The following PGBD2 variants were observed in gnomAD, a reference collection of about 807,000 sequenced individuals.
PGBD2 encodes piggyBac transposable element-derived protein 2.
PGBD2 carries 6 observed loss-of-function variants against 8.1 expected under a neutral mutation model. That is an observed-to-expected ratio of 0.74 (90% confidence interval 0.40 to 1.46). The LOEUF (loss-of-function observed/expected upper bound fraction) is 1.46, where lower values mean the gene tolerates loss of function less well. PGBD2 is among the 40% of genes most tolerant of loss of function. The probability of loss-of-function intolerance (pLI) is 0.02; values close to 1 mark genes in which losing one functional copy is unlikely to be tolerated. For missense variants in PGBD2, 802 were observed against 739.0 expected, an observed-to-expected ratio of 1.09 and a Z score of -0.99; for synonymous variants, 318 against 272.2, an observed-to-expected ratio of 1.17 and a Z score of -1.66.
chr1:248,927,368 T>C, the PGBD2 span, among the ~76,000 whole-genome samples: 2 of 152,170 alleles, frequency 1.3e-5, no homozygotes, highest in African/African-American at 4.8e-5. Flanking sequence ...ATGCTGGATA[T>C]AGAAGCAGGG....
the PGBD2 span, among the ~76,000 whole-genome samples, chr1:248,885,534 A>G: frequency 1.1e-4 from 16 of 152,286 alleles, no homozygotes; most frequent in Middle Eastern, 3.4e-3. Flanking sequence ...TTCAAAACCC[A>G]GTCTTGGTTC....
At chr1:248,904,648 C>G (rs867540272), upstream of PGBD2, among the ~76,000 whole-genome samples, 8 of 152,222 alleles carry the variant, frequency 5.3e-5, no homozygotes, top group African/African-American at 1.7e-4. Context: ...TGCTTCGCCT[C>G]AGAGCATTTG....
At chr1:248,891,681 T>C in the PGBD2 span, among the ~76,000 whole-genome samples, 6,686 of 152,138 alleles carry the variant, frequency 0.044, 407 homozygotes, top group African/African-American at 0.14. Flanking sequence ...AATTTAAAAA[T>C]CAGCCAGGCA....
At position 248,917,839 on chromosome 1, in the gene PGBD2, G is replaced by A. The variant is rs751181473; in HGVS notation, c.1255G>A (p.Val419Ile). ...GTGCCGCTGGCACGATAGCAGCGTG[G>A]TCAACATTTGCTCCAATGCTGTGGG... ...IVCRWHDSSV[V>I]NICSNAVGIE... The change falls in exon 3 of 3, where the codon GTC becomes ATC. Residue 419 changes from valine (V) to isoleucine (I), a missense_variant. Coordinates refer to ENST00000329291, the MANE Select transcript of PGBD2 (RefSeq NM_170725.3). 1.3e-5 allele frequency: 21 copies of A among 1,614,216 alleles called. No individual in the cohort carries two copies. The South Asian group carries it at 2.2e-4, about 17-fold the overall frequency.
At chr1:248,876,060 G>A in the PGBD2 span, among the ~76,000 whole-genome samples, 4 of 150,986 alleles carry the variant, frequency 2.6e-5, no homozygotes, top group African/African-American at 9.8e-5. Context: ...CCAGGCTGGA[G>A]TGCAATGGTG....
At chr1:248,873,827 C>T in the PGBD2 span, among the ~76,000 whole-genome samples, 13 of 152,314 alleles carry the variant, frequency 8.5e-5, no homozygotes, top group East Asian at 5.8e-4. Flanking sequence ...AAGTATGAGG[C>T]TAAGTGAGAA....
rs1311546302 is a variant in PGBD2 at position 248,918,543 on chromosome 1, T to A, written c.*180T>A. The A allele has an allele frequency of 5.1e-6, 2 of 391,014 alleles. No homozygotes were observed. Among genetic ancestry groups the A allele is most frequent in the Non-Finnish European group, 9.2e-6 (2 of 217,056 alleles). The allele number at this position is 391,014 out of a possible 1,614,324, so 24.2% of individuals were successfully genotyped here. Reference sequence around the variant, plus strand: ...TATTGTGTTGTGTTATGCCTACATGTGATATAAATTAATATTTATATTCAT... The same window carrying A: ...TATTGTGTTGTGTTATGCCTACATGAGATATAAATTAATATTTATATTCAT... On this transcript the variant is annotated 3_prime_UTR_variant, in exon 3 of 3. Transcript: ENST00000329291.
chr1:248,917,829 T>C lies in PGBD2; in HGVS notation c.1245T>C (p.Asp415=), dbSNP rs1203439594. The C allele has an allele frequency of 6.2e-7, 1 of 1,614,216 alleles. No individual in the cohort carries two copies. Among genetic ancestry groups the C allele is most frequent in the Non-Finnish European group, 8.5e-7 (1 of 1,180,036 alleles). The change falls in exon 3 of 3, where the codon GAT becomes GAC. Residue 415 remains aspartate (D), a synonymous_variant. Coordinates refer to ENST00000329291, the MANE Select transcript of PGBD2 (RefSeq NM_170725.3). ...SEEIIVCRWH[D]SSVVNICSNA... is the part of the protein sequence containing the mutation. ...AGATCATCGTGTGCCGCTGGCACGA[T>C]AGCAGCGTGGTCAACATTTGCTCCA...
chr1:248,907,976 G>C (rs764246189), intron 1 of PGBD2, among the ~76,000 whole-genome samples: 10 of 152,018 alleles, frequency 6.6e-5, no homozygotes, highest in Non-Finnish European at 1.5e-4. Context: ...TTTTTATCTT[G>C]AATTAATTTC....
the PGBD2 span, among the ~76,000 whole-genome samples, chr1:248,926,392 G>A: frequency 2.6e-5 from 4 of 152,098 alleles, no homozygotes; most frequent in Non-Finnish European, 4.4e-5. Flanking sequence ...GTTTCTGTGG[G>A]CAGTGTCTCC....
the PGBD2 span, among the ~76,000 whole-genome samples, chr1:248,895,624 G>C: frequency 6.6e-6 from 1 of 151,950 alleles, no homozygotes; most frequent in South Asian, 2.1e-4. Context: ...TGGGATTTCT[G>C]AGATTTTGGT....
At chr1:248,907,838 A>G (rs559878357) in intron 1 of PGBD2, among the ~76,000 whole-genome samples, 1 of 152,332 alleles carries the variant, frequency 6.6e-6, no homozygotes, top group East Asian at 1.9e-4. Context: ...ACAGGTCAAA[A>G]TGGAATTTCT....
At chr1:248,898,348 C>A in the PGBD2 span, among the ~76,000 whole-genome samples, 59 of 152,306 alleles carry the variant, frequency 3.9e-4, no homozygotes, top group Non-Finnish European at 6.3e-4. Flanking sequence ...GTCAATGTTC[C>A]TCTGGGAAGG....
the PGBD2 span, among the ~76,000 whole-genome samples, chr1:248,891,329 C>T: frequency 1.4e-4 from 21 of 151,998 alleles, no homozygotes; most frequent in Non-Finnish European, 2.4e-4. Context: ...AGAGGGAACT[C>T]GGTGGGTGAG....
downstream of PGBD2, among the ~76,000 whole-genome samples, chr1:248,924,084 C>T (rs1397016554): frequency 5.3e-5 from 8 of 152,214 alleles, no homozygotes; most frequent in African/African-American, 9.7e-5. Context: ...AATGGGACGG[C>T]GTGTGGGAGC....
rs539944724 is a variant in PGBD2 at position 248,910,747 on chromosome 1, G to C, written c.-47-3069G>C. ...AATCACACACTTGGATTTACTGAAA[G>C]CCCATGGGGACTCATGTCTGTGATT... is the stretch of plus-strand genomic sequence containing the variant. On this transcript the variant is annotated intron_variant, in intron 1 of 2. Coordinates refer to ENST00000329291, the MANE Select transcript of PGBD2 (RefSeq NM_170725.3). 6.6e-5 allele frequency among the ~76,000 whole-genome samples: 10 copies of C among 152,288 alleles called. No individual in the cohort carries two copies. The South Asian group carries it at 1.9e-3, about 28-fold the overall frequency.
the PGBD2 span, among the ~76,000 whole-genome samples, chr1:248,883,844 G>T: frequency 6.6e-6 from 1 of 151,690 alleles, no homozygotes; most frequent in African/African-American, 2.4e-5. Flanking sequence ...TGATCCGCCC[G>T]CCTCGGCCTC....
intron 2 of PGBD2, chr1:248,914,630 G>T (rs1259204216): frequency 7.8e-7 from 1 of 1,280,538 alleles, no homozygotes. Context: ...TCACGTAGAG[G>T]TTGGGGCCTG....
chr1:248,927,633 G>A, the PGBD2 span, among the ~76,000 whole-genome samples: 4 of 152,198 alleles, frequency 2.6e-5, no homozygotes, highest in African/African-American at 7.2e-5. Context: ...ACTTACAAAC[G>A]CAGACTGTGT....
Sources: gnomAD v4.1 joint callset for allele counts (sites outside exome capture counted in the v4.1 genomes callset) on GRCh38, gnomAD v4.1.1 for gene constraint, MANE v1.5 for transcripts, NCBI Gene and HGNC (gene_info 2026-07-23, HGNC 2026-07-21) for gene names.